Variants in FILIP1L observed in about 807,000 individuals in gnomAD.
The protein encoded by FILIP1L is filamin A-interacting protein 1-like.
In FILIP1L, 55 loss-of-function variants were observed where a neutral mutation model predicts 96.6. The observed-to-expected ratio is 0.57, with a 90% CI of 0.46 to 0.71. The LOEUF is 0.71. Ranked by LOEUF, FILIP1L falls within the 30% of genes least tolerant of loss-of-function variation. FILIP1L has a pLI of 0.00. For synonymous variants in FILIP1L, 467 were observed against 473.9 expected, an observed-to-expected ratio of 0.99 and a Z score of 0.19; for missense variants, 1,304 against 1,321.2, an observed-to-expected ratio of 0.99 and a Z score of 0.20.
intron 1 of FILIP1L, among the ~76,000 whole-genome samples, chr3:99,968,794 A>G (rs1708728989): frequency 6.6e-6 from 1 of 152,222 alleles, no homozygotes; most frequent in South Asian, 2.1e-4. Context: ...GTCTCATCAG[A>G]GAAGTTTCAG....
chr3:99,833,389 G>A, intron 5 of FILIP1L: 1 of 717,222 alleles, frequency 1.4e-6, no homozygotes, highest in East Asian at 2.8e-5. Context: ...GTTACAGTGA[G>A]TTATTAGAAG....
intron 1 of FILIP1L, among the ~76,000 whole-genome samples, chr3:100,080,971 T>C (rs150108665): frequency 6.6e-6 from 1 of 152,332 alleles, no homozygotes; most frequent in Non-Finnish European, 1.5e-5. Context: ...TTGCAGAAGA[T>C]AAAAAGGAGT....
intron 3 of FILIP1L, among the ~76,000 whole-genome samples, chr3:99,928,271 A>G (rs1241682951): frequency 1.3e-5 from 2 of 152,178 alleles, no homozygotes; most frequent in Admixed American, 1.3e-4. Flanking sequence ...TACTTCCTAG[A>G]CCGAGGAAAA....
chr3:99,849,253 T>C lies in FILIP1L; in HGVS notation c.2423A>G (p.Glu808Gly). 1 of 1,614,208 alleles carries C rather than the reference T, an allele frequency of 6.2e-7. No homozygotes were observed. The highest frequency in any genetic ancestry group is 8.5e-7 in the Non-Finnish European group (1 of 1,180,016). The change falls in exon 5 of 6, where the codon GAA (glutamate) becomes GGA (glycine). Residue 808 changes from glutamate (E) to glycine (G), a missense_variant. Coordinates refer to ENST00000477258, the MANE Select transcript of FILIP1L (RefSeq NM_001387850.1). ...KEVQTEAVDN[E>G]PPDYKSLIPL... ...AATGAGGCTCTTGTAATCAGGTGGT[T>C]CATTGTCTACTGCTTCTGTCTGAAC...
chr3:100,045,372 CAAAG>C (rs766705475), intron 1 of FILIP1L, among the ~76,000 whole-genome samples: 11 of 152,144 alleles, frequency 7.2e-5, no homozygotes, highest in Admixed American at 2.0e-4. Context: ...CACTAATTGA[CAAAG>C]AGGAGAGTGG....
At chr3:100,009,495 G>A (rs1710081844) in intron 1 of FILIP1L, among the ~76,000 whole-genome samples, 1 of 150,762 alleles carries the variant, frequency 6.6e-6, no homozygotes, top group Non-Finnish European at 1.5e-5. Context: ...ACATAGGCAA[G>A]CACGGTATAG....
At chr3:100,113,645 C>G (rs2066526789) in intron 1 of FILIP1L, among the ~76,000 whole-genome samples, 1 of 152,192 alleles carries the variant, frequency 6.6e-6, no homozygotes, top group Non-Finnish European at 1.5e-5. Context: ...ATTTTCAACA[C>G]ATTGTGATGA....
intron 1 of FILIP1L, among the ~76,000 whole-genome samples, chr3:100,014,979 G>T (rs12636176): frequency 1.7e-5 from 2 of 118,842 alleles, no homozygotes; most frequent in African/African-American, 6.4e-5. Flanking sequence ...CCAATATCAA[G>T]AAGCTTTTTC....
intron 1 of FILIP1L, among the ~76,000 whole-genome samples, chr3:99,973,704 G>A (rs1398550991): frequency 1.3e-5 from 2 of 152,158 alleles, no homozygotes. Context: ...AAAAATAAAT[G>A]GATCTGCACT....
chr3:100,108,994 A>T (rs1008667560), intron 1 of FILIP1L, among the ~76,000 whole-genome samples: 8 of 151,790 alleles, frequency 5.3e-5, no homozygotes, highest in Non-Finnish European at 7.4e-5. Context: ...TTTTGGTCCC[A>T]TGGCTTTTTC....
chr3:100,016,332 A>G (rs1281419792), intron 1 of FILIP1L, among the ~76,000 whole-genome samples: 1 of 152,170 alleles, frequency 6.6e-6, no homozygotes, highest in Non-Finnish European at 1.5e-5. Context: ...AGGTGGGATT[A>G]CAGGCATGCG....
chr3:100,021,532 A>G (rs1372161738), intron 1 of FILIP1L, among the ~76,000 whole-genome samples: 1 of 152,196 alleles, frequency 6.6e-6, no homozygotes, highest in African/African-American at 2.4e-5. Context: ...TGCCAGAAAG[A>G]ACAGAGTCAA....
intron 1 of FILIP1L, among the ~76,000 whole-genome samples, chr3:100,026,708 A>G (rs1057085825): frequency 1.3e-5 from 2 of 152,070 alleles, no homozygotes; most frequent in African/African-American, 4.8e-5. Context: ...TCAGAATCTG[A>G]TCACTTCTTA....
Position 99,925,903 on chromosome 3 carries a change from G to A in FILIP1L, c.427-1495C>T, listed in dbSNP as rs773166477. ...CCTTGAGCTCCATTTTGCCCAGCAC[G>A]GGGTAAGCTGCCACCAGAAAAACAT... On this transcript the variant is annotated intron_variant, in intron 3 of 5. Transcript: ENST00000477258. 170 of 984,976 alleles carry A rather than the reference G, an allele frequency of 1.7e-4. 1 individual carries two copies. Among genetic ancestry groups the A allele is most frequent in the South Asian group, 3.3e-4 (7 of 21,276 alleles). The allele number at this position is 984,976 out of a possible 1,614,324, so 61.0% of individuals were successfully genotyped here. A position where few individuals can be genotyped will look rare whatever the true frequency, so the allele number is the denominator to read the frequency against.
chr3:100,090,646 AT>A (rs2066088366), intron 1 of FILIP1L, among the ~76,000 whole-genome samples: 2 of 152,086 alleles, frequency 1.3e-5, no homozygotes, highest in Non-Finnish European at 2.9e-5. Context: ...TCTCTGTAGC[AT>A]TTCCCATTGC....
intron 4 of FILIP1L, among the ~76,000 whole-genome samples, chr3:99,895,200 A>G (rs538568181): frequency 6.6e-6 from 1 of 152,256 alleles, no homozygotes; most frequent in South Asian, 2.1e-4. Flanking sequence ...AAACTTAACT[A>G]TATTTTATTC....
chr3:99,994,649 C>T (rs890030805), intron 1 of FILIP1L, among the ~76,000 whole-genome samples: 1 of 152,084 alleles, frequency 6.6e-6, no homozygotes, highest in Non-Finnish European at 1.5e-5. Context: ...GTGTATTAGT[C>T]CATTTTCACA....
chr3:99,834,163 C>G (rs887524248), intron 5 of FILIP1L, among the ~76,000 whole-genome samples: 3 of 152,056 alleles, frequency 2.0e-5, no homozygotes, highest in Admixed American at 6.5e-5. Context: ...TCAGAGCTCC[C>G]CTATTAAACA....
At chr3:100,086,617 A>G (rs937162296) in intron 1 of FILIP1L, among the ~76,000 whole-genome samples, 10 of 152,226 alleles carry the variant, frequency 6.6e-5, no homozygotes, top group African/African-American at 2.4e-4. Flanking sequence ...GTGCCTTCCT[A>G]TGAATCATTG....
Sources: allele counts gnomAD v4.1 joint callset (sites outside exome capture counted in the v4.1 genomes callset), GRCh38; gene constraint gnomAD v4.1.1; transcripts MANE v1.5; gene names NCBI Gene and HGNC (gene_info 2026-07-23, HGNC 2026-07-21).